POM121C: variants seen among roughly 807,000 people sequenced by gnomAD.
The protein encoded by POM121C is nuclear envelope pore membrane protein POM 121C.
A neutral mutation model predicts 66.4 loss-of-function variants in POM121C; 20 were observed. The observed-to-expected ratio is 0.30, with a 90% CI of 0.21 to 0.44. The LOEUF is 0.44. Among genes scored for constraint, POM121C ranks in the 20% least tolerant of loss-of-function variants. The probability of loss-of-function intolerance (pLI) is 1.00; values close to 1 mark genes in which losing one functional copy is unlikely to be tolerated. For missense variants in POM121C, 580 were observed against 1,225.7 expected (o/e 0.47, Z 7.87); for synonymous variants, 286 against 528.0 (o/e 0.54, Z 6.28).
chr7:75,479,846 A>T (rs1216081106), intron 1 of POM121C, among the ~76,000 whole-genome samples: 2 of 152,148 alleles, frequency 1.3e-5, no homozygotes, highest in East Asian at 3.8e-4. Flanking sequence ...ATAAATTCTA[A>T]CTCACTAAAA....
chr7:75,468,555 G>A (rs1554478190), intron 3 of POM121C, among the ~76,000 whole-genome samples: 1 of 152,060 alleles, frequency 6.6e-6, no homozygotes, highest in Non-Finnish European at 1.5e-5. Context: ...CCAACCTCAG[G>A]TGATCCACCC....
intron 3 of POM121C, among the ~76,000 whole-genome samples, chr7:75,447,789 C>T (rs587684004): frequency 2.6e-5 from 4 of 151,844 alleles, no homozygotes; most frequent in East Asian, 1.9e-4. Context: ...TTTGGGAGGC[C>T]GAGGCAGGCG....
At chr7:75,465,370 C>T (rs1791591350) in intron 3 of POM121C, among the ~76,000 whole-genome samples, 1 of 149,380 alleles carries the variant, frequency 6.7e-6, no homozygotes, top group African/African-American at 2.5e-5. Context: ...CCTTGGGAGG[C>T]TGAGGTAGGA....
chr7:75,474,854 C>T lies in POM121C; in HGVS notation c.-302G>A, dbSNP rs2443464. On this transcript the variant is annotated 5_prime_UTR_variant, in exon 3 of 15. Coordinates refer to ENST00000615331, the MANE Select transcript of POM121C (RefSeq NM_001099415.3). ...GCAAGTTGCTCGGCTTCAGAATCTC[C>T]GAAGTACAAGATGTTGCCACCTCAT... The T allele has an allele frequency of 3.2e-5, 41 of 1,289,540 alleles. No individual in the cohort carries two copies. The highest frequency in any genetic ancestry group is 2.2e-4 in the African/African-American group (15 of 68,226). The allele number at this position is 1,289,540 out of a possible 1,614,324, so 79.9% of individuals were successfully genotyped here.
chr7:75,483,772 A>G (rs1355017493), intron 1 of POM121C, among the ~76,000 whole-genome samples: 2 of 152,040 alleles, frequency 1.3e-5, no homozygotes, highest in African/African-American at 2.4e-5. Context: ...ACTATATTTT[A>G]CAGGATAATG....
At chr7:75,461,564 A>G (rs1403872771) in intron 3 of POM121C, among the ~76,000 whole-genome samples, 3 of 152,062 alleles carry the variant, frequency 2.0e-5, no homozygotes, top group Admixed American at 6.6e-5. Flanking sequence ...ACAGGCATGC[A>G]CCACCACGCC....
At chr7:75,457,168 A>C (rs1306518627) in intron 3 of POM121C, among the ~76,000 whole-genome samples, 2 of 139,646 alleles carry the variant, frequency 1.4e-5, no homozygotes, top group Non-Finnish European at 3.2e-5. Context: ...TAAATAAATA[A>C]ATAAATAAAT....
chr7:75,448,169 C>T (rs111501790), intron 3 of POM121C, among the ~76,000 whole-genome samples: 12 of 151,870 alleles, frequency 7.9e-5, no homozygotes, highest in African/African-American at 2.2e-4. Flanking sequence ...CCTGGGAGGT[C>T]GAGGCTCCAG....
chr7:75,442,676 C>T (rs1161568954), intron 3 of POM121C: 13 of 1,429,588 alleles, frequency 9.1e-6, no homozygotes, highest in East Asian at 3.0e-5. Context: ...CGCTATCGGC[C>T]GCCGCCGCTC....
At position 75,419,437 on chromosome 7, in the gene POM121C, C is replaced by T. The variant is rs1335997342; in HGVS notation, c.2749G>A (p.Ala917Thr). 14 of 1,613,002 alleles carry T rather than the reference C, an allele frequency of 8.7e-6. No homozygotes were observed. Among genetic ancestry groups the T allele is most frequent in the South Asian group, 2.2e-5 (2 of 90,996 alleles). Reference sequence around the variant, plus strand: ...GTGTTCTGACCAAAGGTGGGGGTGGCGGTGCCTGGAATGAAGAGAACAGAG... The same window carrying T: ...GTGTTCTGACCAAAGGTGGGGGTGGTGGTGCCTGGAATGAAGAGAACAGAG... ...TESKPVFGGT[A>T]TPTFGQNTPA... is the part of the protein sequence containing the mutation. The change falls in exon 14 of 15, where the codon GCC (alanine) becomes ACC (threonine). Residue 917 changes from alanine (A) to threonine (T), a missense_variant. Ala to Thr is a moderately conservative substitution (Grantham distance 58). Coordinates refer to ENST00000615331, the MANE Select transcript of POM121C (RefSeq NM_001099415.3).
intron 5 of POM121C, among the ~76,000 whole-genome samples, chr7:75,440,372 C>A (rs587684051): frequency 1.3e-5 from 2 of 151,282 alleles, no homozygotes; most frequent in African/African-American, 2.4e-5. Context: ...TTGAGACCAT[C>A]CTGGCCAATA....
intron 1 of POM121C, among the ~76,000 whole-genome samples, chr7:75,481,520 A>G (rs587673573): frequency 2.6e-5 from 4 of 152,264 alleles, no homozygotes; most frequent in African/African-American, 9.6e-5. Context: ...ACAAATAGAG[A>G]ATAGAAATTT....
intron 1 of POM121C, among the ~76,000 whole-genome samples, chr7:75,485,468 G>C (rs1792488729): frequency 6.6e-6 from 1 of 152,164 alleles, no homozygotes; most frequent in Admixed American, 6.5e-5. Context: ...AATCCCTGCA[G>C]ACTGTTCCTG....
chr7:75,477,752 G>A (rs1554479592), intron 1 of POM121C, among the ~76,000 whole-genome samples: 1 of 150,888 alleles, frequency 6.6e-6, no homozygotes, highest in African/African-American at 2.4e-5. Flanking sequence ...AACATAGCAA[G>A]ACCCTGTCTC....
At chr7:75,441,219 A>G (rs1790635009) in intron 4 of POM121C, 104 bp from the exon 5 acceptor site, 9 of 1,527,596 alleles carry the variant, frequency 5.9e-6, no homozygotes, top group Non-Finnish European at 8.0e-6. Context: ...TAATTTATAC[A>G]CTCACAACAG....
intron 1 of POM121C, among the ~76,000 whole-genome samples, chr7:75,479,914 A>T (rs1483729591): frequency 7.2e-5 from 11 of 152,166 alleles, no homozygotes; most frequent in African/African-American, 2.7e-4. Flanking sequence ...GAATCATAAA[A>T]AATTCTCAAC....
intron 3 of POM121C, among the ~76,000 whole-genome samples, chr7:75,455,888 A>T (rs1554476246): frequency 6.6e-6 from 1 of 152,068 alleles, no homozygotes; most frequent in East Asian, 1.9e-4. Context: ...CTCACATAGG[A>T]TATGGTGCAT....
chr7:75,433,234 C>CAAAAAAAAA (rs782004307), intron 7 of POM121C, among the ~76,000 whole-genome samples: 5 of 44,248 alleles, frequency 1.1e-4, no homozygotes, highest in African/African-American at 2.2e-4. Flanking sequence ...GACTCTGTCT[C>CAAAAAAAAA]AAAAAAAAAA....
intron 3 of POM121C, among the ~76,000 whole-genome samples, chr7:75,451,910 T>C (rs1460692938): frequency 6.6e-6 from 1 of 150,854 alleles, no homozygotes; most frequent in African/African-American, 2.4e-5. Context: ...CTCACGTCTG[T>C]AATCACAGCA....
Sources: gnomAD v4.1 joint callset for allele counts (sites outside exome capture counted in the v4.1 genomes callset) on GRCh38, gnomAD v4.1.1 for gene constraint, MANE v1.5 for transcripts, NCBI Gene and HGNC (gene_info 2026-07-23, HGNC 2026-07-21) for gene names.